MAGI2: variants seen among roughly 807,000 people sequenced by gnomAD.
MAGI2 encodes the protein membrane associated guanylate kinase, WW and PDZ domain containing 2, also known as membrane-associated guanylate kinase, WW and PDZ domain-containing protein 2.
Under a neutral mutation model 133.3 loss-of-function variants are expected in MAGI2, and 35 were observed. The ratio of observed to expected loss-of-function variants is 0.26; its 90% CI spans 0.20 to 0.35. The LOEUF is 0.35. MAGI2 is among the 10% of genes least tolerant of loss of function. The pLI is 1.00. For synonymous variants in MAGI2, 729 were observed against 710.6 expected, an observed-to-expected ratio of 1.03 and a Z score of -0.41; for missense variants, 1,636 against 1,863.4, an observed-to-expected ratio of 0.88 and a Z score of 2.25.
rs185592209 is a variant in MAGI2 at position 78,854,370 on chromosome 7, T to C, written c.418+152720A>G. On this transcript the variant is annotated intron_variant, in intron 2 of 21. Coordinates refer to ENST00000354212, the MANE Select transcript of MAGI2 (RefSeq NM_012301.4). ...GTGTGACAAGATAGGAACCTTGTTTTATAATTTGTTATAAAACTTATACTT... is the reference window on the plus strand; with the variant it reads ...GTGTGACAAGATAGGAACCTTGTTTCATAATTTGTTATAAAACTTATACTT... 7.9e-5 allele frequency among the ~76,000 whole-genome samples: 12 copies of C among 152,242 alleles called. No individual in the cohort carries two copies. In the East Asian group the frequency reaches 1.9e-3, roughly 25 times the overall value.
chr7:78,212,342 T>C (rs1787848707), intron 10 of MAGI2, among the ~76,000 whole-genome samples: 1 of 152,138 alleles, frequency 6.6e-6, no homozygotes. Flanking sequence ...AGAGTATCTT[T>C]GATTATACAG....
chr7:78,969,978 C>T (rs186107541), intron 2 of MAGI2, among the ~76,000 whole-genome samples: 81 of 145,120 alleles, frequency 5.6e-4, no homozygotes, highest in Non-Finnish European at 1.0e-3. Flanking sequence ...CCCAAGGTTG[C>T]ATAGCCTGGA....
intron 16 of MAGI2, among the ~76,000 whole-genome samples, chr7:78,154,257 C>A (rs1247523690): frequency 6.6e-6 from 1 of 152,220 alleles, no homozygotes; most frequent in Non-Finnish European, 1.5e-5. Context: ...AATTCCTTCC[C>A]TGAGCATCAG....
intron 1 of MAGI2, among the ~76,000 whole-genome samples, chr7:79,080,667 G>C (rs1239561855): frequency 6.6e-6 from 1 of 152,044 alleles, no homozygotes; most frequent in Non-Finnish European, 1.5e-5. Flanking sequence ...AGAGTAAGGA[G>C]TTGATGCATA....
chr7:79,237,635 A>G (rs974433700), intron 1 of MAGI2, among the ~76,000 whole-genome samples: 2 of 152,190 alleles, frequency 1.3e-5, no homozygotes, highest in Admixed American at 1.3e-4. Flanking sequence ...ACTCATGCCA[A>G]CACTCACAGT....
At chr7:78,832,520 A>G (rs1439942243) in intron 2 of MAGI2, among the ~76,000 whole-genome samples, 1 of 152,202 alleles carries the variant, frequency 6.6e-6, no homozygotes, top group Non-Finnish European at 1.5e-5. Flanking sequence ...CCCAGCAGAT[A>G]CACTATGCCA....
intron 1 of MAGI2, among the ~76,000 whole-genome samples, chr7:79,115,086 A>G (rs1819274398): frequency 1.3e-5 from 2 of 152,210 alleles, no homozygotes; most frequent in African/African-American, 4.8e-5. Context: ...TGCCTTAGCA[A>G]TGCTGAATGT....
chr7:78,837,812 C>T (rs1045258940), intron 2 of MAGI2, among the ~76,000 whole-genome samples: 9 of 152,040 alleles, frequency 5.9e-5, no homozygotes, highest in African/African-American at 1.4e-4. Context: ...TCTTTTTATT[C>T]GTACTAGAAG....
At chr7:78,877,476 T>C (rs1563613211) in intron 2 of MAGI2, among the ~76,000 whole-genome samples, 1 of 152,182 alleles carries the variant, frequency 6.6e-6, no homozygotes, top group East Asian at 1.9e-4. Flanking sequence ...TTATTAAAAA[T>C]GTTACTTGTT....
At chr7:78,296,304 C>G (rs545973785) in intron 9 of MAGI2, among the ~76,000 whole-genome samples, 2 of 152,298 alleles carry the variant, frequency 1.3e-5, no homozygotes, top group East Asian at 3.9e-4. Context: ...AATTCATGTT[C>G]CCTAACCAGC....
intron 1 of MAGI2, among the ~76,000 whole-genome samples, chr7:79,214,435 AT>A (rs1159109003): frequency 4.7e-5 from 6 of 128,070 alleles, no homozygotes; most frequent in South Asian, 2.4e-4. Context: ...ATATATATAT[AT>A]ATATATAAAT....
chr7:78,256,447 C>G lies in MAGI2; in HGVS notation c.1543G>C (p.Asp515His). The change falls in exon 10 of 22, where the codon GAT (aspartate) becomes CAT (histidine). Residue 515 changes from aspartate (D) to histidine (H), a missense_variant. By Grantham distance (81) the Asp-to-His change is moderately conservative. This residue lies in a region of MAGI2 where 920 missense variants were observed against 1,093.5 expected (regional missense o/e 0.84). Coordinates refer to ENST00000354212, the MANE Select transcript of MAGI2 (RefSeq NM_012301.4). ...ATGCTGTTAGCAGGGTCTTCAGGAT[C>G]AAAGGGCAAAGGGTAGCCACGACAC... ...VLCRGYPLPF[D>H]PEDPANSMVP... The G allele has an allele frequency of 6.2e-7, 1 of 1,613,850 alleles. No individual in the cohort carries two copies. The highest frequency in any genetic ancestry group is 8.5e-7 in the Non-Finnish European group (1 of 1,179,942).
rs368707733 is a variant in MAGI2, at chr7:78,575,868, G to A, written c.538+51252C>T. 4.6e-5 allele frequency among the ~76,000 whole-genome samples: 7 copies of A among 152,144 alleles called. No individual in the cohort carries two copies. In the South Asian group the frequency reaches 1.5e-3, roughly 32 times the overall value. ...AATGTGGTATCCTGGGTGAAATTCT[G>A]CAACAGAAAAAGAATATTAGGTAAA... On this transcript the variant is annotated intron_variant, in intron 3 of 21. Coordinates refer to ENST00000354212, the MANE Select transcript of MAGI2 (RefSeq NM_012301.4).
At chr7:79,000,047 T>C (rs901434462) in intron 2 of MAGI2, among the ~76,000 whole-genome samples, 9 of 152,212 alleles carry the variant, frequency 5.9e-5, no homozygotes, top group Non-Finnish European at 7.3e-5. Flanking sequence ...AGATGTACGA[T>C]ATACAGCTGT....
chr7:79,396,217 A>T (rs1186221620), intron 1 of MAGI2, among the ~76,000 whole-genome samples: 1 of 152,080 alleles, frequency 6.6e-6, no homozygotes, highest in Non-Finnish European at 1.5e-5. Context: ...TGTTCTCAGC[A>T]GCAAATGTGT....
intron 9 of MAGI2, among the ~76,000 whole-genome samples, chr7:78,282,064 T>A (rs1374382314): frequency 6.6e-6 from 1 of 152,114 alleles, no homozygotes; most frequent in Non-Finnish European, 1.5e-5. Flanking sequence ...ACTTCATCTA[T>A]GAAACAGACA....
At chr7:78,209,399 C>T (rs1313217422) in intron 10 of MAGI2, among the ~76,000 whole-genome samples, 1 of 149,830 alleles carries the variant, frequency 6.7e-6, no homozygotes, top group South Asian at 2.1e-4. Flanking sequence ...GTAGCTGGGA[C>T]TACAGGCGTG....
chr7:78,942,727 G>A (rs1409326979), intron 2 of MAGI2, among the ~76,000 whole-genome samples: 1 of 151,932 alleles, frequency 6.6e-6, no homozygotes, highest in African/African-American at 2.4e-5. Context: ...TATGTAAACA[G>A]GAAAGTACTA....
chr7:78,028,350 A>C (rs1809170742), intron 21 of MAGI2, among the ~76,000 whole-genome samples: 1 of 152,192 alleles, frequency 6.6e-6, no homozygotes, highest in Admixed American at 6.5e-5. Context: ...CTTCACATTT[A>C]TATTCATTTT....
Sources: allele counts gnomAD v4.1 joint callset (sites outside exome capture counted in the v4.1 genomes callset), GRCh38; gene constraint gnomAD v4.1.1; regional missense constraint gnomAD v4.1.1; transcripts MANE v1.5; gene names NCBI Gene and HGNC (gene_info 2026-07-23, HGNC 2026-07-21).